Variants in KCNRG observed in about 807,000 individuals in gnomAD.
KCNRG encodes potassium channel regulatory protein.
A neutral mutation model predicts 17.7 loss-of-function variants in KCNRG; 17 were observed. The ratio of observed to expected loss-of-function variants is 0.96; its 90% CI spans 0.66 to 1.44. KCNRG has a LOEUF of 1.44. Ranked by LOEUF, KCNRG falls within the 40% of genes most tolerant of loss-of-function variation. The pLI, the probability that KCNRG is intolerant of heterozygous loss-of-function variation, is 0.00. For missense variants in KCNRG, 311 were observed against 321.1 expected (o/e 0.97, Z 0.24); for synonymous variants, 97 against 116.5 (o/e 0.83, Z 1.08).
At chr13:50,017,364 A>G (rs1253603465) in intron 1 of KCNRG, 1 of 167,114 alleles carries the variant, frequency 6.0e-6, no homozygotes, top group Non-Finnish European at 1.5e-5. Flanking sequence ...TTTAAAAACC[A>G]TGCATTTGGA....
intron 1 of KCNRG, chr13:50,018,140 GTTTAAAC>G (rs1876848868): frequency 6.0e-6 from 1 of 167,002 alleles, no homozygotes; most frequent in South Asian, 2.1e-4. Flanking sequence ...TTAAAAATAA[GTTTAAAC>G]TTTATATTTC....
intron 1 of KCNRG, chr13:50,017,106 G>A (rs767333520): frequency 1.2e-5 from 2 of 167,008 alleles, no homozygotes; most frequent in Non-Finnish European, 1.5e-5. Context: ...AGCCAGTCAA[G>A]CTAGTAGGCT....
In KCNRG at chr13:50,016,058, CA is replaced by C; in HGVS notation, c.568del (p.Thr190LeufsTer8). ...QCGSDSTTDN[Q>X]TGVRYVSIKP... Reference sequence around the variant, plus strand: ...TGGTTCTGACAGCACTACTGATAACCAAACTGGAGTCAGGTATTTTGTACTT... The same window carrying C: ...TGGTTCTGACAGCACTACTGATAACCAACTGGAGTCAGGTATTTTGTACTT... On this transcript the variant is annotated frameshift_variant, in exon 1 of 2. Transcript: ENST00000312942. LOFTEE classifies it high-confidence loss of function. 1 of 1,612,196 alleles carries C rather than the reference CA, an allele frequency of 6.2e-7. No individual in the cohort carries two copies.
chr13:50,016,082 C>CT lies in KCNRG; in HGVS notation c.578+14dup. On this transcript the variant is annotated intron_variant, in intron 1 of 1. Coordinates refer to ENST00000312942, the MANE Select transcript of KCNRG (RefSeq NM_173605.2). Reference sequence around the variant, plus strand: ...CCAAACTGGAGTCAGGTATTTTGTACTTTGCAGTATTTCTCTTGTATACCA... The same window carrying CT: ...CCAAACTGGAGTCAGGTATTTTGTACTTTTGCAGTATTTCTCTTGTATACCA... 6.3e-7 allele frequency: 1 copy of CT among 1,599,558 alleles called. No individual in the cohort carries two copies. Among genetic ancestry groups the CT allele is most frequent in the East Asian group, 2.2e-5 (1 of 44,782 alleles).
At chr13:50,020,122 T>G in intron 1 of KCNRG, 92 bp from the exon 2 acceptor site, 1 of 1,156,726 alleles carries the variant, frequency 8.6e-7, no homozygotes, top group East Asian at 2.4e-5. Context: ...GAAGGTATGA[T>G]GCCTTTGAGG....
Position 50,020,253 on chromosome 13 carries a change from C to T in KCNRG, c.618C>T (p.Asn206=), listed in dbSNP as rs777399450. 1.7e-5 allele frequency: 27 copies of T among 1,613,826 alleles called. No individual in the cohort carries two copies. Among genetic ancestry groups the T allele is most frequent in the Admixed American group, 5.0e-5 (3 of 59,988 alleles). The stretch of plus-strand genomic sequence containing the variant: ...AACCTGATAACCGAAAATTGGCCAA[C>T]GGAACAAATGTCCTCGGCTTACTGA... The part of the protein sequence containing the change: ...SIKPDNRKLA[N]GTNVLGLLID... The change falls in exon 2 of 2, where the codon AAC becomes AAT. Residue 206 remains asparagine, a synonymous_variant. Transcript: ENST00000312942.
rs1286929793 is a variant in KCNRG, at chr13:50,020,577, C to T, written c.*123C>T. 3 of 1,011,302 alleles carry T rather than the reference C, an allele frequency of 3.0e-6. No homozygotes were observed. The African/African-American group carries it at 4.9e-5, about 16-fold the overall frequency. The allele number at this position is 1,011,302 out of a possible 1,614,324, so 62.6% of individuals were successfully genotyped here. ...TTGGCTTCATCTGCTGCCATGCCGT[C>T]TCTGGGCAACCAGGCCCCAACTGTG... On this transcript the variant is annotated 3_prime_UTR_variant, in exon 2 of 2. Transcript: ENST00000312942.
intron 1 of KCNRG, 77 bp downstream of exon 1, chr13:50,016,148 C>T (rs1876532594): frequency 2.0e-6 from 2 of 1,014,064 alleles, no homozygotes; most frequent in East Asian, 5.0e-5. Flanking sequence ...TTCCTCAGGC[C>T]TGTAACTTCT....
chr13:50,015,458 G>A lies in KCNRG; in HGVS notation c.-36G>A, dbSNP rs1594593023. 6.9e-7 allele frequency: 1 copy of A among 1,453,906 alleles called. No individual in the cohort carries two copies. Among genetic ancestry groups the A allele is most frequent in the Non-Finnish European group, 9.5e-7 (1 of 1,052,038 alleles). 90.1% of individuals were successfully genotyped at this position (1,453,906 alleles called of 1,614,324 possible). A position where few individuals can be genotyped will look rare whatever the true frequency, so the allele number is the denominator to read the frequency against. On this transcript the variant is annotated 5_prime_UTR_variant, in exon 1 of 2. Coordinates refer to ENST00000312942, the MANE Select transcript of KCNRG (RefSeq NM_173605.2). ...GGTTATAGGTTGATTTCCTAAGTGTGGCTGATGGTAGCCTCTAGTTTGAAG... is the reference window on the plus strand; with the variant it reads ...GGTTATAGGTTGATTTCCTAAGTGTAGCTGATGGTAGCCTCTAGTTTGAAG...
In KCNRG at chr13:50,020,154, A is replaced by G; in HGVS notation, c.579-60A>G. On this transcript the variant is annotated intron_variant, in intron 1 of 1. Transcript: ENST00000312942. ...GAGGTTGTAAGTCAAATTTATGTGT[A>G]TAGTTTTGCTAGTTATTAAAGGGAT... 9 of 1,533,472 alleles carry G rather than the reference A, an allele frequency of 5.9e-6. 1 individual carries two copies. In the South Asian group the frequency reaches 7.1e-5, roughly 12 times the overall value. The allele number at this position is 1,533,472 out of a possible 1,614,324, so 95.0% of individuals were successfully genotyped here. A position where few individuals can be genotyped will look rare whatever the true frequency, so the allele number is the denominator to read the frequency against.
At chr13:50,018,400 T>C (rs1876894738) in intron 1 of KCNRG, 2 of 166,600 alleles carry the variant, frequency 1.2e-5, no homozygotes, top group South Asian at 4.1e-4. Context: ...CGCTTGGGGG[T>C]AAGTGGAATG....
Position 50,020,449 on chromosome 13 carries a change from A to C in KCNRG, c.814A>C (p.Lys272Gln), listed in dbSNP as rs751883203. 1 of 1,612,532 alleles carries C rather than the reference A, an allele frequency of 6.2e-7. No individual in the cohort carries two copies. Among genetic ancestry groups the C allele is most frequent in the Admixed American group, 1.7e-5 (1 of 59,542 alleles). ...CATACCAGAGCAATCTCAGATAAAG[A>C]AATGAAGTTGTCTATCCTCTTTTAA... The part of the protein sequence containing the change: ...IIIPEQSQIK[K>Q] The change falls in exon 2 of 2, where the codon AAA becomes CAA. Residue 272 changes from lysine to glutamine, a missense_variant. Coordinates refer to ENST00000312942, the MANE Select transcript of KCNRG (RefSeq NM_173605.2).
chr13:50,015,971 C>G lies in KCNRG; in HGVS notation c.478C>G (p.Gln160Glu). Reference protein sequence around the residue: ...PTWNGNFFPPQMTLLPLPPQR... With the variant: ...PTWNGNFFPPEMTLLPLPPQR... Reference sequence around the variant, plus strand: ...CTGGAATGGTAACTTTTTCCCTCCTCAGATGACCTTACTTCCACTGCCTCC... The same window carrying G: ...CTGGAATGGTAACTTTTTCCCTCCTGAGATGACCTTACTTCCACTGCCTCC... Residue 160 changes from glutamine to glutamate, a missense_variant, in exon 1 of 2, where the codon CAG (glutamine) becomes GAG (glutamate). Gln to Glu is a conservative substitution (Grantham distance 29). Coordinates refer to ENST00000312942, the MANE Select transcript of KCNRG (RefSeq NM_173605.2). 7 of 1,614,122 alleles carry G rather than the reference C, an allele frequency of 4.3e-6. No homozygotes were observed. The highest frequency in any genetic ancestry group is 5.9e-6 in the Non-Finnish European group (7 of 1,179,952).
chr13:50,018,500 T>C (rs1876909827), intron 1 of KCNRG: 1 of 161,952 alleles, frequency 6.2e-6, no homozygotes, highest in African/African-American at 2.4e-5. Flanking sequence ...GATTTTACTA[T>C]TGGTTTCTTT....
At chr13:50,019,971 G>A (rs935659990) in intron 1 of KCNRG, among the ~76,000 whole-genome samples, 5 of 151,696 alleles carry the variant, frequency 3.3e-5, no homozygotes, top group Non-Finnish European at 7.4e-5. Flanking sequence ...CTGGGAGGCA[G>A]AGGTTGCTGA....
At chr13:50,016,368 C>T (rs1428532288) in intron 1 of KCNRG, 1 of 305,008 alleles carries the variant, frequency 3.3e-6, no homozygotes, top group African/African-American at 2.2e-5. Context: ...GATTATGTTC[C>T]ATTGCTAATG....
chr13:50,017,724 T>G (rs1295781504), intron 1 of KCNRG: 1 of 167,104 alleles, frequency 6.0e-6, no homozygotes, highest in Non-Finnish European at 1.5e-5. Flanking sequence ...GTGATTGGGA[T>G]GAAAACTCTG....
chr13:50,016,280 A>G (rs772287093), intron 1 of KCNRG: 60 of 511,378 alleles, frequency 1.2e-4, no homozygotes, highest in Non-Finnish European at 2.0e-4. Context: ...ATTAGGTGGG[A>G]CAAAAGGAAT....
chr13:50,020,415 G>C lies in KCNRG; in HGVS notation c.780G>C (p.Glu260Asp). ...VLITNETPKP[E>D]TIIIPEQSQI... ...TCACGAATGAAACACCAAAACCAGA[G>C]ACTATCATCATACCAGAGCAATCTC... Residue 260 changes from glutamate to aspartate, a missense_variant, in exon 2 of 2, where the codon GAG (glutamate) becomes GAC (aspartate). Physicochemically the swap from Glu to Asp is conservative, Grantham distance 45. Coordinates refer to ENST00000312942, the MANE Select transcript of KCNRG (RefSeq NM_173605.2). 6.2e-7 allele frequency: 1 copy of C among 1,613,984 alleles called. No homozygotes were observed. Among genetic ancestry groups the C allele is most frequent in the Non-Finnish European group, 8.5e-7 (1 of 1,179,894 alleles).
Sources: gnomAD v4.1 joint callset for allele counts (sites outside exome capture counted in the v4.1 genomes callset) on GRCh38, gnomAD v4.1.1 for gene constraint, MANE v1.5 for transcripts, NCBI Gene and HGNC (gene_info 2026-07-23, HGNC 2026-07-21) for gene names.